The following ST8SIA5 variants were observed in gnomAD, a reference collection of about 807,000 sequenced individuals.
ST8SIA5 encodes alpha-2,8-sialyltransferase 8E.
ST8SIA5 carries 24 observed loss-of-function variants against 40.2 expected under a neutral mutation model. The observed-to-expected ratio is 0.60, with a 90% CI of 0.43 to 0.84. The LOEUF (loss-of-function observed/expected upper bound fraction) is 0.84, where lower values mean the gene tolerates loss of function less well. Ranked by LOEUF, ST8SIA5 falls within the 40% of genes least tolerant of loss-of-function variation. The probability of loss-of-function intolerance (pLI) is 0.00; values close to 1 mark genes in which losing one functional copy is unlikely to be tolerated. For synonymous variants in ST8SIA5, 198 were observed against 201.8 expected, an observed-to-expected ratio of 0.98 and a Z score of 0.16; for missense variants, 465 against 498.5, an observed-to-expected ratio of 0.93 and a Z score of 0.64.
intron 6 of ST8SIA5, 53 bp downstream of exon 6, chr18:46,681,919 T>G: frequency 1.3e-6 from 2 of 1,585,084 alleles, no homozygotes; most frequent in Middle Eastern, 1.7e-4. Context: ...TAGCCGCATG[T>G]GACTATTGGC....
chr18:46,735,376 C>T (rs188340033), intron 1 of ST8SIA5, among the ~76,000 whole-genome samples: 2 of 152,222 alleles, frequency 1.3e-5, no homozygotes. Flanking sequence ...TCTAGAGAAC[C>T]CTGACTAATA....
At chr18:46,738,777 C>A (rs890365329) in intron 1 of ST8SIA5, among the ~76,000 whole-genome samples, 5 of 152,116 alleles carry the variant, frequency 3.3e-5, no homozygotes, top group African/African-American at 1.2e-4. Context: ...AAGGCTTTGT[C>A]CCCTGGGTCG....
chr18:46,686,023 G>A, intron 5 of ST8SIA5, 151 bp downstream of exon 5: 1 of 706,818 alleles, frequency 1.4e-6, no homozygotes, highest in South Asian at 1.7e-5. Flanking sequence ...GGATGGGGCT[G>A]GAGAGAAGAA....
chr18:46,679,982 C>T lies in ST8SIA5; in HGVS notation c.*60G>A. ...GCTGCCCGGTTCGGGGCTCCCAGTTCCACCAGGAGGGACAGCAGGAGAGGG... is the reference window on the plus strand; with the variant it reads ...GCTGCCCGGTTCGGGGCTCCCAGTTTCACCAGGAGGGACAGCAGGAGAGGG... On this transcript the variant is annotated 3_prime_UTR_variant, in exon 7 of 7. Coordinates refer to ENST00000315087, the MANE Select transcript of ST8SIA5 (RefSeq NM_013305.6). 6.6e-7 allele frequency: 1 copy of T among 1,511,888 alleles called. No homozygotes were observed. The highest frequency in any genetic ancestry group is 8.9e-7 in the Non-Finnish European group (1 of 1,122,368). 93.7% of individuals were successfully genotyped at this position (1,511,888 alleles called of 1,614,324 possible).
At chr18:46,705,920 C>T (rs1453136306) in intron 1 of ST8SIA5, among the ~76,000 whole-genome samples, 1 of 152,186 alleles carries the variant, frequency 6.6e-6, no homozygotes, top group Admixed American at 6.5e-5. Flanking sequence ...GTGGTCATTT[C>T]GCACGTACCC....
chr18:46,669,260 T>G lies in ST8SIA5; in HGVS notation c.*10782A>C, dbSNP rs1252125324. On this transcript the variant is annotated 3_prime_UTR_variant, in exon 7 of 7. Coordinates refer to ENST00000315087, the MANE Select transcript of ST8SIA5 (RefSeq NM_013305.6). ...GCCCTAGAGGGCTAGAGCGGGACAC[T>G]GGCCACCGTCCCCTGCCCTCCAGTT... is the stretch of plus-strand genomic sequence containing the variant. 2.0e-5 allele frequency: 3 copies of G among 152,270 alleles called. No homozygotes were observed. Among genetic ancestry groups the G allele is most frequent in the Non-Finnish European group, 4.4e-5 (3 of 68,158 alleles). 9.4% of individuals were successfully genotyped at this position (152,270 alleles called of 1,614,324 possible). A position where few individuals can be genotyped will look rare whatever the true frequency, so the allele number is the denominator to read the frequency against.
Position 46,744,441 on chromosome 18 carries a change from G to A in ST8SIA5, c.131+11937C>T, listed in dbSNP as rs558896940. Among the ~76,000 whole-genome samples the A allele has an allele frequency of 1.5e-4, 23 of 152,156 alleles. No homozygotes were observed. The South Asian group carries it at 4.6e-3, about 30-fold the overall frequency. On this transcript the variant is annotated intron_variant, in intron 1 of 6. Transcript: ENST00000315087. ...TAGGCTCTGATAAAACAGACTTTAAGCCAACAAAGATCAAAAGAGACAACG... is the reference window on the plus strand; with the variant it reads ...TAGGCTCTGATAAAACAGACTTTAAACCAACAAAGATCAAAAGAGACAACG...
rs968138355 is a variant in ST8SIA5, at chr18:46,756,585, G to A, written c.-77C>T. 3.4e-6 allele frequency: 5 copies of A among 1,492,110 alleles called. No homozygotes were observed. The African/African-American group carries it at 4.3e-5, about 13-fold the overall frequency. 92.4% of individuals were successfully genotyped at this position (1,492,110 alleles called of 1,614,324 possible). Reference sequence around the variant, plus strand: ...TCGCGGGGTTCCGGGGCCCCGGGGGGCGCGCGGCCGACTTGGCGCCTCACG... The same window carrying A: ...TCGCGGGGTTCCGGGGCCCCGGGGGACGCGCGGCCGACTTGGCGCCTCACG... On this transcript the variant is annotated 5_prime_UTR_variant, in exon 1 of 7. Transcript: ENST00000315087.
At chr18:46,736,562 C>T (rs1356844128) in intron 1 of ST8SIA5, among the ~76,000 whole-genome samples, 2 of 152,140 alleles carry the variant, frequency 1.3e-5, no homozygotes, top group South Asian at 2.1e-4. Context: ...GGAATTCTTG[C>T]TTCCTTTAAA....
chr18:46,734,151 G>A (rs536166260), intron 1 of ST8SIA5, among the ~76,000 whole-genome samples: 4 of 152,148 alleles, frequency 2.6e-5, no homozygotes, highest in East Asian at 1.9e-4. Flanking sequence ...CAGGATGAAC[G>A]GGCGCAATGA....
At chr18:46,726,360 C>T (rs1333797940) in intron 1 of ST8SIA5, among the ~76,000 whole-genome samples, 2 of 151,840 alleles carry the variant, frequency 1.3e-5, no homozygotes, top group African/African-American at 2.4e-5. Flanking sequence ...CCAAAATGCT[C>T]ACCATAAAAT....
At chr18:46,699,168 C>A (rs1287886983) in intron 2 of ST8SIA5, among the ~76,000 whole-genome samples, 1 of 152,096 alleles carries the variant, frequency 6.6e-6, no homozygotes, top group Non-Finnish European at 1.5e-5. Flanking sequence ...GGGGGAACTG[C>A]AGAGTAGGAA....
At chr18:46,709,547 G>A (rs550343096) in intron 1 of ST8SIA5, among the ~76,000 whole-genome samples, 6 of 152,312 alleles carry the variant, frequency 3.9e-5, no homozygotes, top group South Asian at 4.1e-4. Flanking sequence ...ATTTTGGAGG[G>A]TGTCATGGAA....
chr18:46,681,421 C>A (rs748013221), intron 6 of ST8SIA5, among the ~76,000 whole-genome samples: 1 of 152,252 alleles, frequency 6.6e-6, no homozygotes, highest in Non-Finnish European at 1.5e-5. Flanking sequence ...CCTCCTCTTA[C>A]ATGTCCTCTG....
At chr18:46,686,789 C>T (rs1376160986) in intron 4 of ST8SIA5, among the ~76,000 whole-genome samples, 3 of 137,762 alleles carry the variant, frequency 2.2e-5, no homozygotes, top group East Asian at 4.2e-4. Flanking sequence ...GAGTAAACTG[C>T]ACTATTAGAC....
chr18:46,713,246 G>A (rs1187922042), intron 1 of ST8SIA5, among the ~76,000 whole-genome samples: 1 of 152,198 alleles, frequency 6.6e-6, no homozygotes, highest in Non-Finnish European at 1.5e-5. Context: ...GTTTAGGAAT[G>A]GAACCAGCAG....
chr18:46,682,120 G>T, intron 5 of ST8SIA5, 56 bp from the exon 6 acceptor site: 1 of 1,421,342 alleles, frequency 7.0e-7, no homozygotes, highest in Non-Finnish European at 9.6e-7. Flanking sequence ...GTCAGGCTGG[G>T]GAGGGTGCAG....
Position 46,676,868 on chromosome 18 carries a change from A to C in ST8SIA5, c.*3174T>G, listed in dbSNP as rs1318461512. ...CCAGGTCTCTCTGAGCCTTTGAAAA[A>C]ATGTTTTTCTTATAAACACTGGCTG... On this transcript the variant is annotated 3_prime_UTR_variant, in exon 7 of 7. Transcript: ENST00000315087. 6.6e-6 allele frequency: 1 copy of C among 152,176 alleles called. No homozygotes were observed. The highest frequency in any genetic ancestry group is 2.4e-5 in the African/African-American group (1 of 41,436). The allele number at this position is 152,176 out of a possible 1,614,324, so 9.4% of individuals were successfully genotyped here. A position where few individuals can be genotyped will look rare whatever the true frequency, so the allele number is the denominator to read the frequency against.
In ST8SIA5 at chr18:46,672,443, G is replaced by A. The variant is rs2039314157; in HGVS notation, c.*7599C>T. 1 of 152,144 alleles carries A rather than the reference G, an allele frequency of 6.6e-6. No individual in the cohort carries two copies. The highest frequency in any genetic ancestry group is 1.5e-5 in the Non-Finnish European group (1 of 68,032). The allele number at this position is 152,144 out of a possible 1,614,324, so 9.4% of individuals were successfully genotyped here. On this transcript the variant is annotated 3_prime_UTR_variant, in exon 7 of 7. Transcript: ENST00000315087. ...CAAGGTTGCAAATGGCAATTCTAGA[G>A]AAAACAGAACTTTTACCCCAAAGCT...
Sources: gnomAD v4.1 joint callset for allele counts (sites outside exome capture counted in the v4.1 genomes callset) on GRCh38, gnomAD v4.1.1 for gene constraint, MANE v1.5 for transcripts, NCBI Gene and HGNC (gene_info 2026-07-23, HGNC 2026-07-21) for gene names.